Variants in ADK observed in about 807,000 individuals in gnomAD.
ADK encodes the protein N6,N6-dimethyladenosine kinase.
In ADK, 24 loss-of-function variants were observed where a neutral mutation model predicts 44.7. The observed-to-expected ratio is 0.54, with a 90% CI of 0.39 to 0.76. The LOEUF (loss-of-function observed/expected upper bound fraction) is 0.76. Among genes scored for constraint, ADK ranks in the 30% least tolerant of loss-of-function variants. The pLI, the probability that ADK is intolerant of heterozygous loss-of-function variation, is 0.00. For missense variants in ADK, 321 were observed against 425.1 expected (o/e 0.76, Z 2.15); for synonymous variants, 128 against 142.6 (o/e 0.90, Z 0.73).
At chr10:74,409,933 T>C (rs1167677528) in intron 6 of ADK, among the ~76,000 whole-genome samples, 1 of 152,214 alleles carries the variant, frequency 6.6e-6, no homozygotes, top group Non-Finnish European at 1.5e-5. Flanking sequence ...ACAATTTTTC[T>C]TAGTAAAACT....
At chr10:74,664,502 G>A (rs1028261358) in intron 9 of ADK, among the ~76,000 whole-genome samples, 3 of 152,096 alleles carry the variant, frequency 2.0e-5, no homozygotes, top group African/African-American at 7.2e-5. Context: ...TGAATCATAC[G>A]AATACATTAC....
chr10:74,426,657 T>C (rs1844807060), intron 6 of ADK, among the ~76,000 whole-genome samples: 1 of 152,132 alleles, frequency 6.6e-6, no homozygotes, highest in South Asian at 2.1e-4. Flanking sequence ...TATTGGGGTA[T>C]ACTTTCTTGG....
intron 10 of ADK, among the ~76,000 whole-genome samples, chr10:74,676,926 C>T (rs1277496794): frequency 6.6e-6 from 1 of 152,162 alleles, no homozygotes; most frequent in Non-Finnish European, 1.5e-5. Flanking sequence ...TCTCCTATTT[C>T]CCATCTAATA....
At chr10:74,609,973 C>T (rs1180415625) in intron 9 of ADK, among the ~76,000 whole-genome samples, 2 of 152,058 alleles carry the variant, frequency 1.3e-5, no homozygotes, top group Non-Finnish European at 1.5e-5. Context: ...TTGTTTCAGT[C>T]CTTGCAGGTT....
intron 7 of ADK, among the ~76,000 whole-genome samples, chr10:74,587,506 A>T (rs940249510): frequency 6.6e-6 from 1 of 152,210 alleles, no homozygotes; most frequent in African/African-American, 2.4e-5. Flanking sequence ...TTATTAGTAC[A>T]TTGGACCATA....
At chr10:74,400,737 C>T (rs1465329904) in intron 6 of ADK, among the ~76,000 whole-genome samples, 2 of 152,134 alleles carry the variant, frequency 1.3e-5, no homozygotes, top group East Asian at 3.8e-4. Context: ...TGTTTTTGAT[C>T]TAAGGAAGCA....
intron 1 of ADK, among the ~76,000 whole-genome samples, chr10:74,161,915 A>G (rs944701691): frequency 4.0e-5 from 6 of 151,856 alleles, no homozygotes; most frequent in African/African-American, 1.5e-4. Context: ...GTCTCACTCT[A>G]TTGCCCAGGC....
chr10:74,650,663 G>C (rs1331604916), intron 9 of ADK, among the ~76,000 whole-genome samples: 1 of 151,980 alleles, frequency 6.6e-6, no homozygotes. Flanking sequence ...CAAATTTCTT[G>C]TGCCTAGGTG....
chr10:74,439,358 A>G (rs1398824207), intron 6 of ADK, among the ~76,000 whole-genome samples: 3 of 152,102 alleles, frequency 2.0e-5, no homozygotes, highest in Non-Finnish European at 2.9e-5. Context: ...TTTTGAGTTC[A>G]GGAAGTACTT....
chr10:74,534,754 C>T (rs768692193), intron 7 of ADK, among the ~76,000 whole-genome samples: 2 of 152,162 alleles, frequency 1.3e-5, no homozygotes, highest in Non-Finnish European at 2.9e-5. Flanking sequence ...GCTTTGATAA[C>T]TCACACTCTT....
At chr10:74,372,408 AG>A in intron 4 of ADK, 9 of 701,570 alleles carry the variant, frequency 1.3e-5, no homozygotes, top group Non-Finnish European at 2.1e-5. Flanking sequence ...AAACACTGAA[AG>A]GTCTTAAGCT....
chr10:74,193,244 CTTTT>C (rs929609279), intron 1 of ADK, among the ~76,000 whole-genome samples: 7 of 150,446 alleles, frequency 4.7e-5, no homozygotes, highest in Admixed American at 2.7e-4. Context: ...TTAGTGTTTT[CTTTT>C]TTTTTCTTTT....
At chr10:74,433,720 G>T (rs1255781098) in intron 6 of ADK, among the ~76,000 whole-genome samples, 2 of 152,162 alleles carry the variant, frequency 1.3e-5, no homozygotes, top group African/African-American at 4.8e-5. Context: ...AATGTTTACA[G>T]TTGCCAGCTA....
chr10:74,226,349 C>T (rs1228135528), intron 3 of ADK, among the ~76,000 whole-genome samples: 1 of 152,148 alleles, frequency 6.6e-6, no homozygotes, highest in Non-Finnish European at 1.5e-5. Context: ...TCAAGCGATC[C>T]ACCCACCTCA....
chr10:74,509,653 C>G (rs149330799), intron 6 of ADK: 85 of 152,206 alleles, frequency 5.6e-4, no homozygotes, highest in African/African-American at 2.0e-3. Flanking sequence ...AATAGTCATC[C>G]TGCAGAGGTA....
intron 6 of ADK, among the ~76,000 whole-genome samples, chr10:74,458,053 T>A (rs1237133875): frequency 6.6e-6 from 1 of 151,122 alleles, no homozygotes; most frequent in Non-Finnish European, 1.5e-5. Flanking sequence ...AGAAAAAGAT[T>A]GGGTATTTCA....
At chr10:74,634,251 CTGGAGTGCAG>C (rs1324821797) in intron 9 of ADK, among the ~76,000 whole-genome samples, 1 of 151,948 alleles carries the variant, frequency 6.6e-6, no homozygotes, top group Non-Finnish European at 1.5e-5. Flanking sequence ...GCCTTCCAGG[CTGGAGTGCAG>C]TGGAGTGCAG....
chr10:74,708,560 G>A lies in ADK; in HGVS notation c.*115G>A. The A allele has an allele frequency of 8.3e-7, 1 of 1,201,110 alleles. No homozygotes were observed. The highest frequency in any genetic ancestry group is 1.2e-6 in the Non-Finnish European group (1 of 852,028). The allele number at this position is 1,201,110 out of a possible 1,614,324, so 74.4% of individuals were successfully genotyped here. On this transcript the variant is annotated 3_prime_UTR_variant, in exon 11 of 11. Transcript: ENST00000539909. ...TGCCATTTTTTCCTACTATAATAATGCTGAATCTTAATTTAGAGGGTACAA... is the reference window on the plus strand; with the variant it reads ...TGCCATTTTTTCCTACTATAATAATACTGAATCTTAATTTAGAGGGTACAA...
At chr10:74,652,341 G>A (rs1230064919) in intron 9 of ADK, among the ~76,000 whole-genome samples, 2 of 151,840 alleles carry the variant, frequency 1.3e-5, no homozygotes, top group African/African-American at 4.8e-5. Flanking sequence ...AGCACACCTG[G>A]CCAGGAACTT....
Sources: allele counts gnomAD v4.1 joint callset (sites outside exome capture counted in the v4.1 genomes callset), GRCh38; gene constraint gnomAD v4.1.1; transcripts MANE v1.5; gene names NCBI Gene and HGNC (gene_info 2026-07-23, HGNC 2026-07-21).